OSBPL9: variants seen among roughly 807,000 people sequenced by gnomAD.
The protein encoded by OSBPL9 is oxysterol binding protein like 9.
A neutral mutation model predicts 106.6 loss-of-function variants in OSBPL9; 40 were observed. That is an observed-to-expected ratio of 0.38 (90% confidence interval 0.29 to 0.49). OSBPL9 has a LOEUF of 0.49. Ranked by LOEUF, OSBPL9 falls within the 20% of genes least tolerant of loss-of-function variation. The pLI is 0.97. For missense variants in OSBPL9, 609 were observed against 887.2 expected (o/e 0.69, Z 3.98); for synonymous variants, 269 against 295.4 (o/e 0.91, Z 0.92).
chr1:51,551,967 A>ATGTGTGTGTGTGTG, the OSBPL9 span, among the ~76,000 whole-genome samples: 2,496 of 145,174 alleles, frequency 0.017, 42 homozygotes, highest in African/African-American at 0.038. Flanking sequence ...GTGAATAGAA[A>ATGTGTGTGTGTGTG]TGTGTGTGTG....
At chr1:51,578,226 A>G (rs1010927895) in intron 1 of OSBPL9, among the ~76,000 whole-genome samples, 1 of 152,226 alleles carries the variant, frequency 6.6e-6, no homozygotes, top group Non-Finnish European at 1.5e-5. Context: ...CCATTTGACA[A>G]ATGTTAATTG....
chr1:51,696,024 C>T lies in OSBPL9; in HGVS notation c.242-17979C>T, dbSNP rs113947801. Among the ~76,000 whole-genome samples, 1,254 of 152,222 alleles carry T rather than the reference C, an allele frequency of 8.2e-3. 20 individuals carry two copies. Among genetic ancestry groups the T allele is most frequent in the African/African-American group, 0.028 (1,180 of 41,528 alleles). ...GTAAAACCGGGAAGGTAGATTTGGA[C>T]GCTGATTATTGCTGGACTAGAGCTC... is the stretch of plus-strand genomic sequence containing the variant. On this transcript the variant is annotated intron_variant, in intron 3 of 23. Transcript: ENST00000428468.
At chr1:51,679,947 T>G (rs1038229515) in intron 3 of OSBPL9, among the ~76,000 whole-genome samples, 2 of 152,150 alleles carry the variant, frequency 1.3e-5, no homozygotes, top group Non-Finnish European at 2.9e-5. Flanking sequence ...ATATATAGGG[T>G]TCAATACTAT....
At chr1:51,631,210 G>A (rs1158889245) in intron 1 of OSBPL9, among the ~76,000 whole-genome samples, 1 of 152,162 alleles carries the variant, frequency 6.6e-6, no homozygotes, top group Non-Finnish European at 1.5e-5. Flanking sequence ...GGAGCCATCA[G>A]TTGTCAGACA....
chr1:51,776,791 G>T, intron 14 of OSBPL9, 42 bp from the exon 15 acceptor site: 11 of 1,227,342 alleles, frequency 9.0e-6, no homozygotes, highest in South Asian at 2.5e-5. Flanking sequence ...TTTATCTGAA[G>T]AGAAATTTGA....
In OSBPL9 at chr1:51,784,487, T is replaced by C. The variant is rs1233583487; in HGVS notation, c.1734T>C (p.Asn578=). ...VPWVELGGEC[N]INCSKTGYSA... is the part of the protein sequence containing the mutation. Reference sequence around the variant, plus strand: ...GGGTGGAATTAGGAGGAGAATGCAATATTAATTGTTCCAAAACAGGCTATA... The same window carrying C: ...GGGTGGAATTAGGAGGAGAATGCAACATTAATTGTTCCAAAACAGGCTATA... Residue 578 remains asparagine (N), a synonymous_variant, in exon 20 of 24, where the codon AAT becomes AAC. Transcript: ENST00000428468. 1 of 1,614,000 alleles carries C rather than the reference T, an allele frequency of 6.2e-7. No individual in the cohort carries two copies. Among genetic ancestry groups the C allele is most frequent in the East Asian group, 2.2e-5 (1 of 44,888 alleles).
chr1:51,609,271 T>C (rs78516926), intron 2 of OSBPL9, among the ~76,000 whole-genome samples: 1,845 of 152,054 alleles, frequency 0.012, 40 homozygotes, highest in African/African-American at 0.043. Context: ...TAGGGTTCCA[T>C]CCTGAACCAT....
chr1:51,518,528 C>G, the OSBPL9 span: 22 of 152,740 alleles, frequency 1.4e-4, no homozygotes, highest in African/African-American at 5.1e-4. Flanking sequence ...CAGAAGGAAA[C>G]CTGATCAGGA....
chr1:51,754,543 A>G (rs748856906), intron 8 of OSBPL9, among the ~76,000 whole-genome samples: 13 of 152,214 alleles, frequency 8.5e-5, no homozygotes, highest in Non-Finnish European at 1.6e-4. Context: ...TTGATTACTT[A>G]GAATTTGAGG....
intron 1 of OSBPL9, among the ~76,000 whole-genome samples, chr1:51,577,740 C>G (rs759490348): frequency 2.6e-5 from 4 of 152,222 alleles, no homozygotes; most frequent in Non-Finnish European, 5.9e-5. Context: ...TGCATCATCT[C>G]ATTGCATTCT....
intron 7 of OSBPL9, chr1:51,749,541 C>A: frequency 2.4e-6 from 1 of 412,432 alleles, no homozygotes; most frequent in Non-Finnish European, 5.0e-6. Flanking sequence ...GGTCTCCTAG[C>A]CTCAAGCGAT....
chr1:51,708,075 G>GTTT (rs1446462060), intron 3 of OSBPL9: 1 of 222,386 alleles, frequency 4.5e-6, no homozygotes, highest in Non-Finnish European at 9.4e-6. Context: ...CTTTGCCAGA[G>GTTT]TTAAAAGAAG....
intron 4 of OSBPL9, among the ~76,000 whole-genome samples, chr1:51,740,749 G>A (rs894742098): frequency 6.6e-6 from 1 of 152,016 alleles, no homozygotes; most frequent in Admixed American, 6.6e-5. Context: ...TTATTACTCA[G>A]CCTTCCTGTT....
At chr1:51,586,678 A>G (rs1036972105) in intron 1 of OSBPL9, among the ~76,000 whole-genome samples, 6 of 152,210 alleles carry the variant, frequency 3.9e-5, no homozygotes, top group Non-Finnish European at 7.3e-5. Flanking sequence ...CAATCCTACC[A>G]GCCAGGCCCC....
chr1:51,721,530 G>T (rs1662124659), intron 4 of OSBPL9, among the ~76,000 whole-genome samples: 1 of 152,072 alleles, frequency 6.6e-6, no homozygotes, highest in Non-Finnish European at 1.5e-5. Context: ...GCTGAAAAAT[G>T]AATCTTTAGT....
intron 1 of OSBPL9, among the ~76,000 whole-genome samples, chr1:51,590,443 A>AC (rs1390035604): frequency 6.6e-6 from 1 of 151,764 alleles, no homozygotes; most frequent in East Asian, 1.9e-4. Flanking sequence ...ACACGGTGAA[A>AC]CCCCGTCTCT....
intron 3 of OSBPL9, chr1:51,709,404 G>A (rs1659338384): frequency 5.1e-6 from 1 of 196,010 alleles, no homozygotes; most frequent in African/African-American, 2.3e-5. Context: ...GAGATATTTT[G>A]CAGGCAACCT....
intron 4 of OSBPL9, among the ~76,000 whole-genome samples, chr1:51,742,544 A>T (rs900171385): frequency 2.0e-5 from 3 of 150,782 alleles, no homozygotes; most frequent in Non-Finnish European, 4.4e-5. Flanking sequence ...GGGTCTTGCA[A>T]CATAGCAAGA....
chr1:51,550,536 G>A, the OSBPL9 span, among the ~76,000 whole-genome samples: 3 of 151,854 alleles, frequency 2.0e-5, no homozygotes, highest in South Asian at 2.1e-4. Flanking sequence ...TTTTTGAGAC[G>A]GAGTCTCGCT....
Sources: allele counts gnomAD v4.1 joint callset (sites outside exome capture counted in the v4.1 genomes callset), GRCh38; gene constraint gnomAD v4.1.1; transcripts MANE v1.5; gene names NCBI Gene and HGNC (gene_info 2026-07-23, HGNC 2026-07-21).